Variants in RPTOR observed in about 807,000 individuals in gnomAD.
RPTOR encodes the protein regulatory associated protein of MTOR complex 1.
A neutral mutation model predicts 169.9 loss-of-function variants in RPTOR; 21 were observed. The observed-to-expected ratio is 0.12, with a 90% CI of 0.09 to 0.18. The LOEUF (loss-of-function observed/expected upper bound fraction) is 0.18, where lower values mean the gene tolerates loss of function less well. RPTOR is among the 10% of genes least tolerant of loss of function. The probability of loss-of-function intolerance (pLI) is 1.00; values close to 1 mark genes in which losing one functional copy is unlikely to be tolerated. For missense variants in RPTOR, 1,133 were observed against 1,855.9 expected, an observed-to-expected ratio of 0.61 and a Z score of 7.16; for synonymous variants, 732 against 753.2, an observed-to-expected ratio of 0.97 and a Z score of 0.46.
intron 7 of RPTOR, among the ~76,000 whole-genome samples, chr17:80,817,431 C>G (rs1347111319): frequency 6.6e-6 from 1 of 151,782 alleles, no homozygotes; most frequent in African/African-American, 2.4e-5. Context: ...TGTTGCGTCT[C>G]CTGAGTGCAG....
At chr17:80,578,141 C>T (rs773350841) in intron 1 of RPTOR, among the ~76,000 whole-genome samples, 2 of 152,026 alleles carry the variant, frequency 1.3e-5, no homozygotes, top group Non-Finnish European at 2.9e-5. Flanking sequence ...GGATGCAAAC[C>T]GTCATCTGAG....
chr17:80,799,516 A>G (rs2143524293), intron 7 of RPTOR, among the ~76,000 whole-genome samples: 2 of 152,282 alleles, frequency 1.3e-5, no homozygotes, highest in East Asian at 3.9e-4. Context: ...ACCACATGGA[A>G]ATTTCTTGCC....
At chr17:80,812,576 G>C (rs1467392454) in intron 7 of RPTOR, among the ~76,000 whole-genome samples, 1 of 152,104 alleles carries the variant, frequency 6.6e-6, no homozygotes, top group East Asian at 1.9e-4. Flanking sequence ...CAGCGTCCCT[G>C]CTGCTGGGTC....
chr17:80,874,454 C>A (rs1238842555), intron 13 of RPTOR, among the ~76,000 whole-genome samples: 3 of 152,152 alleles, frequency 2.0e-5, no homozygotes, highest in Non-Finnish European at 4.4e-5. Flanking sequence ...CTCGGCCTCC[C>A]AAAGTGCTGG....
chr17:80,930,248 A>ATCCCCT (rs2068866078), intron 24 of RPTOR, among the ~76,000 whole-genome samples: 1 of 145,950 alleles, frequency 6.9e-6, no homozygotes, highest in African/African-American at 2.6e-5. Context: ...TCCTCAGCTC[A>ATCCCCT]GCTCATCCCC....
At chr17:80,812,341 T>TG (rs988135849) in intron 7 of RPTOR, among the ~76,000 whole-genome samples, 34 of 144,772 alleles carry the variant, frequency 2.3e-4, no homozygotes, top group African/African-American at 8.4e-4. Flanking sequence ...TAATTACCTG[T>TG]TTTTTTTTTT....
At chr17:80,642,523 G>T (rs2065562228) in intron 2 of RPTOR, among the ~76,000 whole-genome samples, 1 of 152,150 alleles carries the variant, frequency 6.6e-6, no homozygotes, top group African/African-American at 2.4e-5. Context: ...AAATATACAA[G>T]ATCTGTATAG....
intron 3 of RPTOR, among the ~76,000 whole-genome samples, chr17:80,678,741 G>A (rs9674991): frequency 0.09 from 13,664 of 152,232 alleles, 685 homozygotes; most frequent in African/African-American, 0.14. Flanking sequence ...AATGCATGAA[G>A]AAGGTGGAAG....
Position 80,881,787 on chromosome 17 carries a change from A to C in RPTOR, c.1584+1298A>C, listed in dbSNP as rs913367962. Among the ~76,000 whole-genome samples, 6 of 152,306 alleles carry C rather than the reference A, an allele frequency of 3.9e-5. No homozygotes were observed. In the East Asian group the frequency reaches 1.2e-3, roughly 29 times the overall value. On this transcript the variant is annotated intron_variant, in intron 14 of 33. Coordinates refer to ENST00000306801, the MANE Select transcript of RPTOR (RefSeq NM_020761.3). ...CAATGAGCTGTGACTGTACAACTGC[A>C]CTCCAGCCTGAGCAACAGAGTGAGA...
chr17:80,567,938 A>C (rs1048485006), intron 1 of RPTOR, among the ~76,000 whole-genome samples: 1 of 150,930 alleles, frequency 6.6e-6, no homozygotes, highest in African/African-American at 2.4e-5. Flanking sequence ...ACAGAGTCTC[A>C]CTCTGTTGCT....
intron 10 of RPTOR, among the ~76,000 whole-genome samples, chr17:80,843,635 C>T (rs539565016): frequency 2.6e-5 from 4 of 152,148 alleles, no homozygotes; most frequent in Admixed American, 2.6e-4. Context: ...TAGAATGTCC[C>T]CTTGGCAGTG....
intron 2 of RPTOR, among the ~76,000 whole-genome samples, chr17:80,626,847 C>T (rs1037583567): frequency 2.0e-5 from 3 of 150,044 alleles, no homozygotes; most frequent in African/African-American, 4.9e-5. Flanking sequence ...TACAATTGAA[C>T]GACATGAAAT....
chr17:80,953,995 T>A (rs1413188491), intron 28 of RPTOR, among the ~76,000 whole-genome samples: 1 of 152,226 alleles, frequency 6.6e-6, no homozygotes, highest in Non-Finnish European at 1.5e-5. Context: ...ACTTCTTTTT[T>A]TGTTTGTTTG....
chr17:80,616,680 C>T (rs911587068), intron 1 of RPTOR, among the ~76,000 whole-genome samples: 3 of 151,948 alleles, frequency 2.0e-5, no homozygotes, highest in Non-Finnish European at 4.4e-5. Flanking sequence ...CTGAGCTACT[C>T]GGGAGGTTGA....
rs2067584891 is a variant in RPTOR at position 80,838,077 on chromosome 17, T to C, written c.1212+80T>C. The C allele has an allele frequency of 4.9e-6, 6 of 1,212,932 alleles. No homozygotes were observed. The South Asian group carries it at 6.5e-5, about 13-fold the overall frequency. The allele number at this position is 1,212,932 out of a possible 1,614,324, so 75.1% of individuals were successfully genotyped here. On this transcript the variant is annotated intron_variant, in intron 10 of 33. Transcript: ENST00000306801. ...CACCTGGACTGCAAAGCCCCCAGAC[T>C]GGGGGTGGTGCCCAGGACTCTCGGG... is the stretch of plus-strand genomic sequence containing the variant.
intron 4 of RPTOR, among the ~76,000 whole-genome samples, chr17:80,725,880 G>T (rs2066328451): frequency 6.6e-6 from 1 of 152,188 alleles, no homozygotes; most frequent in Non-Finnish European, 1.5e-5. Flanking sequence ...GCTCATGTTT[G>T]AAAGGAAATC....
chr17:80,798,524 C>CG (rs2067123665), intron 7 of RPTOR, among the ~76,000 whole-genome samples: 1 of 152,078 alleles, frequency 6.6e-6, no homozygotes, highest in South Asian at 2.1e-4. Flanking sequence ...TCCCAGACTC[C>CG]GGGGCTGACA....
intron 13 of RPTOR, among the ~76,000 whole-genome samples, chr17:80,866,723 ACAT>A (rs2067996344): frequency 6.6e-6 from 1 of 152,184 alleles, no homozygotes; most frequent in Admixed American, 6.5e-5. Context: ...ACTGAGGAAG[ACAT>A]CATTAATCTG....
intron 1 of RPTOR, among the ~76,000 whole-genome samples, chr17:80,598,597 T>C (rs1323338035): frequency 6.6e-6 from 1 of 152,262 alleles, no homozygotes; most frequent in Non-Finnish European, 1.5e-5. Context: ...TCCAAGTTGC[T>C]GATCTTTTGC....
Sources: allele counts gnomAD v4.1 joint callset (sites outside exome capture counted in the v4.1 genomes callset), GRCh38; gene constraint gnomAD v4.1.1; transcripts MANE v1.5; gene names NCBI Gene and HGNC (gene_info 2026-07-23, HGNC 2026-07-21).